Variants in XRN1 observed in about 807,000 individuals in gnomAD.
XRN1 encodes 5'-3' exoribonuclease 1, also known as strand-exchange protein 1 homolog.
In XRN1, 67 loss-of-function variants were observed where a neutral mutation model predicts 222.3. The ratio of observed to expected loss-of-function variants is 0.30; its 90% CI spans 0.25 to 0.37. The LOEUF is 0.37. Ranked by LOEUF, XRN1 falls within the 10% of genes least tolerant of loss-of-function variation. XRN1 has a pLI of 1.00. For synonymous variants in XRN1, 643 were observed against 652.4 expected (o/e 0.99, Z 0.22); for missense variants, 1,707 against 2,000.2 (o/e 0.85, Z 2.80).
chr3:142,403,808 T>G (rs1271163800), intron 17 of XRN1, 36 bp from the exon 18 acceptor site: 1 of 1,610,396 alleles, frequency 6.2e-7, no homozygotes, highest in Non-Finnish European at 8.5e-7. Context: ...TTTTAATTCT[T>G]TCTCCATAAT....
intron 15 of XRN1, among the ~76,000 whole-genome samples, chr3:142,408,583 T>C (rs1212702295): frequency 6.6e-6 from 1 of 152,222 alleles, no homozygotes; most frequent in East Asian, 1.9e-4. Context: ...GGATGCTTAA[T>C]CTGTACCACA....
chr3:142,368,491 C>T (rs1008585279), intron 27 of XRN1, among the ~76,000 whole-genome samples: 1 of 152,138 alleles, frequency 6.6e-6, no homozygotes. Context: ...ATATCACAGA[C>T]TAAGACGTTG....
chr3:142,419,250 C>G (rs886223155), intron 10 of XRN1, among the ~76,000 whole-genome samples: 1 of 151,960 alleles, frequency 6.6e-6, no homozygotes, highest in African/African-American at 2.4e-5. Flanking sequence ...GGTGGGGGAG[C>G]CAGGGATTAC....
At chr3:142,425,152 G>A (rs1274851240) in intron 5 of XRN1, 70 bp downstream of exon 5, 29 of 1,111,804 alleles carry the variant, frequency 2.6e-5, no homozygotes, top group African/African-American at 3.2e-5. Flanking sequence ...TAAGCTTCCT[G>A]TACAAAATGA....
intron 1 of XRN1, among the ~76,000 whole-genome samples, chr3:142,433,964 T>C (rs1214570326): frequency 1.3e-5 from 2 of 152,164 alleles, no homozygotes; most frequent in African/African-American, 2.4e-5. Flanking sequence ...CCTATTTATA[T>C]AGTATTGTAT....
chr3:142,310,422 C>T lies in XRN1; in HGVS notation c.*1089G>A, dbSNP rs1237915745. On this transcript the variant is annotated 3_prime_UTR_variant, in exon 41 of 41. Coordinates refer to ENST00000392981, the MANE Select transcript of XRN1 (RefSeq NM_001282857.2). ...AGTTACAGCTTGAACCACACATTCACATATGACATGCAAAGAGAGAATCCC... is the reference window on the plus strand; with the variant it reads ...AGTTACAGCTTGAACCACACATTCATATATGACATGCAAAGAGAGAATCCC... 6.6e-6 allele frequency: 1 copy of T among 152,546 alleles called. No homozygotes were observed. Among genetic ancestry groups the T allele is most frequent in the African/African-American group, 2.4e-5 (1 of 41,420 alleles). The allele number at this position is 152,546 out of a possible 1,614,324, so 9.4% of individuals were successfully genotyped here.
At position 142,397,479 on chromosome 3, in the gene XRN1, A is replaced by G. The variant is rs199626950; in HGVS notation, c.2208-19T>C. Reference sequence around the variant, plus strand: ...GTAAAACCTTAAGAGTTAAAATAAAAATTATATAACCAAAATGTTCTGGTT... The same window carrying G: ...GTAAAACCTTAAGAGTTAAAATAAAGATTATATAACCAAAATGTTCTGGTT... On this transcript the variant is annotated intron_variant, in intron 19 of 40. Transcript: ENST00000392981. The G allele has an allele frequency of 4.5e-6, 7 of 1,564,848 alleles. No individual in the cohort carries two copies. The South Asian group carries it at 8.5e-5, about 19-fold the overall frequency.
At chr3:142,418,658 GT>G (rs762152525) in intron 11 of XRN1, 49 bp from the exon 12 acceptor site, 1 of 1,496,096 alleles carries the variant, frequency 6.7e-7, no homozygotes, top group Non-Finnish European at 9.2e-7. Flanking sequence ...TGAATAGCCT[GT>G]TTTTCCACCT....
chr3:142,385,900 C>CA (rs2067482424), intron 20 of XRN1, among the ~76,000 whole-genome samples: 1 of 151,600 alleles, frequency 6.6e-6, no homozygotes. Context: ...CTCACTTTAC[C>CA]AATCACACTT....
At chr3:142,377,753 T>C (rs1180674618) in intron 23 of XRN1, among the ~76,000 whole-genome samples, 1 of 152,092 alleles carries the variant, frequency 6.6e-6, no homozygotes, top group Non-Finnish European at 1.5e-5. Context: ...GTTAAACGTA[T>C]GTAAAGAGAA....
chr3:142,321,108 T>TC (rs2065341479), intron 37 of XRN1, among the ~76,000 whole-genome samples: 1 of 136,478 alleles, frequency 7.3e-6, no homozygotes, highest in Admixed American at 7.2e-5. Context: ...CCACTTCCTT[T>TC]TTTTTTTTTT....
In XRN1 at chr3:142,400,486, A is replaced by C; in HGVS notation, c.2165T>G (p.Leu722Arg). 1 of 1,612,416 alleles carries C rather than the reference A, an allele frequency of 6.2e-7. No individual in the cohort carries two copies. Among genetic ancestry groups the C allele is most frequent in the Non-Finnish European group, 8.5e-7 (1 of 1,179,142 alleles). The change falls in exon 19 of 41, where the codon CTT (leucine) becomes CGT (arginine). Residue 722 changes from leucine (L) to arginine (R), a missense_variant. Leu to Arg is a moderately radical substitution (Grantham distance 102). This residue lies in a region of XRN1 where 1,234 missense variants were observed against 1,518.2 expected (regional missense o/e 0.81). Transcript: ENST00000392981. ...TACAGCCACGACTCTAGCTTCCTCA[A>C]GGTGAGGCCAATTAACAAAGACAGA... ...GKSVFVNWPH[L>R]EEARVVAVSD...
chr3:142,353,808 A>C (rs1026488135), intron 32 of XRN1, among the ~76,000 whole-genome samples: 1 of 152,206 alleles, frequency 6.6e-6, no homozygotes, highest in African/African-American at 2.4e-5. Context: ...AATCGCAACA[A>C]AAACAAAAAT....
rs1234212364 is a variant in XRN1, at chr3:142,309,579, T to G, written c.*1932A>C. On this transcript the variant is annotated 3_prime_UTR_variant, in exon 41 of 41. Coordinates refer to ENST00000392981, the MANE Select transcript of XRN1 (RefSeq NM_001282857.2). ...CTGTCAGCTTGCTGTGCTCAAATATTGGTCAAGTATCCTTATGGGTTTAGT... is the reference window on the plus strand; with the variant it reads ...CTGTCAGCTTGCTGTGCTCAAATATGGGTCAAGTATCCTTATGGGTTTAGT... 3 of 152,254 alleles carry G rather than the reference T, an allele frequency of 2.0e-5. No individual in the cohort carries two copies. The highest frequency in any genetic ancestry group is 6.5e-5 in the Admixed American group (1 of 15,286). 9.4% of individuals were successfully genotyped at this position (152,254 alleles called of 1,614,324 possible).
At chr3:142,386,523 T>C (rs920172445) in intron 20 of XRN1, among the ~76,000 whole-genome samples, 10 of 152,012 alleles carry the variant, frequency 6.6e-5, no homozygotes, top group African/African-American at 1.7e-4. Context: ...CTTAACCTGA[T>C]AAAGAACAGT....
chr3:142,419,547 C>T (rs187016905), intron 10 of XRN1, among the ~76,000 whole-genome samples: 115 of 152,228 alleles, frequency 7.6e-4, no homozygotes, highest in Admixed American at 6.7e-3. Flanking sequence ...CGGTGGCTCA[C>T]GCCTGTAATC....
At chr3:142,380,456 T>C (rs2067269652) in intron 22 of XRN1, among the ~76,000 whole-genome samples, 1 of 152,188 alleles carries the variant, frequency 6.6e-6, no homozygotes, top group Admixed American at 6.5e-5. Context: ...TGTTTTCTTT[T>C]TGACAGGATC....
At chr3:142,438,329 G>T (rs1020356926) in intron 1 of XRN1, among the ~76,000 whole-genome samples, 1 of 145,032 alleles carries the variant, frequency 6.9e-6, no homozygotes, top group Non-Finnish European at 1.5e-5. Context: ...TTTTGGGCAC[G>T]CTGGTAAAGG....
At chr3:142,346,736 C>G (rs781322438) in intron 33 of XRN1, among the ~76,000 whole-genome samples, 2 of 150,624 alleles carry the variant, frequency 1.3e-5, no homozygotes, top group African/African-American at 2.4e-5. Context: ...CTGCCTTGGC[C>G]TCCCAAAGTG....
Sources: gnomAD v4.1 joint callset for allele counts (sites outside exome capture counted in the v4.1 genomes callset) on GRCh38, gnomAD v4.1.1 for gene constraint, gnomAD v4.1.1 regional missense constraint, MANE v1.5 for transcripts, NCBI Gene and HGNC (gene_info 2026-07-23, HGNC 2026-07-21) for gene names.